Variants in AOPEP observed in about 807,000 individuals in gnomAD.
AOPEP encodes aminopeptidase O.
Under a neutral mutation model 98.1 loss-of-function variants are expected in AOPEP, and 77 were observed. The observed-to-expected ratio is 0.78, with a 90% confidence interval of 0.65 to 0.95. The LOEUF (loss-of-function observed/expected upper bound fraction) is 0.95, where lower values mean the gene tolerates loss of function less well. Ranked by LOEUF, AOPEP falls within the 40% of genes least tolerant of loss-of-function variation. The probability of loss-of-function intolerance (pLI) is 0.00; values close to 1 mark genes in which losing one functional copy is unlikely to be tolerated. For missense variants in AOPEP, 1,024 were observed against 1,024.7 expected, an observed-to-expected ratio of 1.00 and a Z score of 0.01; for synonymous variants, 346 against 365.3, an observed-to-expected ratio of 0.95 and a Z score of 0.60.
At chr9:95,012,992 G>A (rs556638779) in intron 13 of AOPEP, among the ~76,000 whole-genome samples, 1 of 138,688 alleles carries the variant, frequency 7.2e-6, no homozygotes, top group Non-Finnish European at 1.6e-5. Context: ...TTTTTTGGGG[G>A]GGGGGGCAGG....
Position 94,727,369 on chromosome 9 carries a change from C to T in AOPEP, c.-136+618C>T, listed in dbSNP as rs539206321. Among the ~76,000 whole-genome samples, 9 of 152,304 alleles carry T rather than the reference C, an allele frequency of 5.9e-5. No homozygotes were observed. In the East Asian group the frequency reaches 1.3e-3, roughly 23 times the overall value. The stretch of plus-strand genomic sequence containing the variant: ...ATAAAATATCCACTTAGGATCCAAT[C>T]CACTGTTGAGATGCATGGAACAGTT... On this transcript the variant is annotated intron_variant, in intron 1 of 16. Transcript: ENST00000375315.
chr9:94,997,481 C>T (rs1333199209), intron 11 of AOPEP, among the ~76,000 whole-genome samples: 1 of 152,162 alleles, frequency 6.6e-6, no homozygotes, highest in African/African-American at 2.4e-5. Context: ...TTATCTAAGG[C>T]AGTGGTTCTC....
the AOPEP span, among the ~76,000 whole-genome samples, chr9:95,096,174 CT>C: frequency 2.6e-5 from 4 of 152,142 alleles, no homozygotes; most frequent in African/African-American, 9.7e-5. Flanking sequence ...AGTTTTACTC[CT>C]GATACCATCT....
chr9:95,018,777 C>T (rs2063214678), intron 13 of AOPEP: 1 of 152,272 alleles, frequency 6.6e-6, no homozygotes, highest in Non-Finnish European at 1.5e-5. Flanking sequence ...AGGCTGTCTC[C>T]ACAGTGACTG....
chr9:95,064,016 A>G (rs972693923), intron 14 of AOPEP, among the ~76,000 whole-genome samples: 3 of 152,282 alleles, frequency 2.0e-5, no homozygotes, highest in East Asian at 1.9e-4. Context: ...TAAGACAGCT[A>G]TACTCTCCCA....
chr9:95,149,977 G>C, the AOPEP span: 2,000 of 1,613,068 alleles, frequency 1.2e-3, 2 homozygotes, highest in Non-Finnish European at 1.2e-3. Context: ...GATTTCCTGA[G>C]GTTCACGTCC....
intron 5 of AOPEP, among the ~76,000 whole-genome samples, chr9:94,868,174 G>A (rs1237864122): frequency 1.3e-5 from 2 of 152,180 alleles, no homozygotes; most frequent in South Asian, 4.1e-4. Context: ...AGCACGAATG[G>A]TCATAACAAC....
intron 2 of AOPEP, among the ~76,000 whole-genome samples, chr9:94,765,162 T>C (rs1345277929): frequency 6.6e-6 from 1 of 151,948 alleles, no homozygotes; most frequent in African/African-American, 2.4e-5. Flanking sequence ...AGGGTTTTGC[T>C]ATGTTGCCCA....
At chr9:94,894,515 G>C (rs527798158) in intron 5 of AOPEP, among the ~76,000 whole-genome samples, 20 of 152,256 alleles carry the variant, frequency 1.3e-4, no homozygotes, top group Admixed American at 9.8e-4. Context: ...GATACCGAAT[G>C]AATTATTAGA....
intron 5 of AOPEP, among the ~76,000 whole-genome samples, chr9:94,909,252 T>C (rs567112050): frequency 2.9e-4 from 44 of 151,240 alleles, no homozygotes; most frequent in African/African-American, 1.0e-3. Flanking sequence ...TAGTTAAGGT[T>C]ACGCGCATTG....
Position 95,044,457 on chromosome 9 carries a change from G to A in AOPEP, c.2116-16237G>A, listed in dbSNP as rs868611506. Among the ~76,000 whole-genome samples, 14 of 152,302 alleles carry A rather than the reference G, an allele frequency of 9.2e-5. No individual in the cohort carries two copies. The South Asian group carries it at 2.1e-3, about 23-fold the overall frequency. On this transcript the variant is annotated intron_variant, in intron 13 of 16. Coordinates refer to ENST00000375315, the MANE Select transcript of AOPEP (RefSeq NM_001193329.3). ...AGGAGCTCAGAAATGGGAGCATCAT[G>A]CGCAGCAGCACTCCGATAATTCTGT... is the stretch of plus-strand genomic sequence containing the variant.
Position 95,005,155 on chromosome 9 carries a change from C to T in AOPEP, c.1978-3C>T. 8.7e-7 allele frequency: 1 copy of T among 1,147,084 alleles called. No homozygotes were observed. The highest frequency in any genetic ancestry group is 1.1e-6 in the Non-Finnish European group (1 of 930,914). 71.1% of individuals were successfully genotyped at this position (1,147,084 alleles called of 1,614,324 possible). A position where few individuals can be genotyped will look rare whatever the true frequency, so the allele number is the denominator to read the frequency against. On this transcript the variant is annotated splice_polypyrimidine_tract_variant and splice_region_variant and intron_variant, in intron 11 of 16. Coordinates refer to ENST00000375315, the MANE Select transcript of AOPEP (RefSeq NM_001193329.3). ...AACTTGACTGTGTCCTCTTCCCCCG[C>T]AGCCGCTGCAGAGGGAGCGTCGCGC...
At chr9:94,877,348 G>A (rs2047065887) in intron 5 of AOPEP, among the ~76,000 whole-genome samples, 1 of 151,982 alleles carries the variant, frequency 6.6e-6, no homozygotes. Context: ...GTACTTTTTT[G>A]GGTTCGTTTA....
At chr9:95,114,254 C>G in the AOPEP span, 1 of 346,212 alleles carries the variant, frequency 2.9e-6, no homozygotes, top group Non-Finnish European at 5.6e-6. Context: ...ACCACAGGAC[C>G]CAAACAAGTG....
rs148324251 is a variant in AOPEP, at chr9:94,866,381, C to G, written c.1365-57605C>G. On this transcript the variant is annotated intron_variant, in intron 5 of 16. Coordinates refer to ENST00000375315, the MANE Select transcript of AOPEP (RefSeq NM_001193329.3). Reference sequence around the variant, plus strand: ...TCTTCCAGCCCTAATCCTATTAACTCTCATGCACAAAGGAAATACAGGACT... The same window carrying G: ...TCTTCCAGCCCTAATCCTATTAACTGTCATGCACAAAGGAAATACAGGACT... Among the ~76,000 whole-genome samples, 1,060 of 152,306 alleles carry G rather than the reference C, an allele frequency of 7.0e-3. 16 individuals are homozygous for G. The highest frequency in any genetic ancestry group is 0.038 in the South Asian group (181 of 4,826).
chr9:95,115,318 C>T, the AOPEP span, among the ~76,000 whole-genome samples: 8 of 152,178 alleles, frequency 5.3e-5, no homozygotes, highest in African/African-American at 1.9e-4. Context: ...TGGGAAATGC[C>T]GGGTTGCGGA....
chr9:94,959,157 C>A (rs1400075153), intron 9 of AOPEP, among the ~76,000 whole-genome samples: 1 of 152,102 alleles, frequency 6.6e-6, no homozygotes. Context: ...CATTCTCCTC[C>A]CTCAGCCTCC....
intron 3 of AOPEP, 103 bp downstream of exon 3, chr9:94,773,271 T>C: frequency 9.2e-7 from 1 of 1,085,842 alleles, no homozygotes; most frequent in East Asian, 2.4e-5. Flanking sequence ...CCTTTATTAG[T>C]TGGGTTGGAA....
At position 94,773,053 on chromosome 9, in the gene AOPEP, A is replaced by G; in HGVS notation, c.849A>G (p.Pro283=). 1 of 1,613,970 alleles carries G rather than the reference A, an allele frequency of 6.2e-7. No homozygotes were observed. The highest frequency in any genetic ancestry group is 8.5e-7 in the Non-Finnish European group (1 of 1,179,968). Reference sequence around the variant, plus strand: ...CCATAAACAACAGGGCCCTTTTTCCATGCCAGGAGCCACCCGTTGCCATGT... The same window carrying G: ...CCATAAACAACAGGGCCCTTTTTCCGTGCCAGGAGCCACCCGTTGCCATGT... The part of the protein sequence containing the change: ...GSPINNRALF[P]CQEPPVAMST... Residue 283 remains proline (P), a synonymous_variant, in exon 3 of 17, where the codon CCA becomes CCG. Coordinates refer to ENST00000375315, the MANE Select transcript of AOPEP (RefSeq NM_001193329.3).
Sources: allele counts gnomAD v4.1 joint callset (sites outside exome capture counted in the v4.1 genomes callset), GRCh38; gene constraint gnomAD v4.1.1; transcripts MANE v1.5; gene names NCBI Gene and HGNC (gene_info 2026-07-23, HGNC 2026-07-21).